The following FNTA variants were observed in gnomAD, a reference collection of about 807,000 sequenced individuals.
FNTA encodes farnesyltransferase, CAAX box, subunit alpha.
Under a neutral mutation model 55.2 loss-of-function variants are expected in FNTA, and 27 were observed. The observed-to-expected ratio is 0.49, with a 90% CI of 0.36 to 0.67. FNTA has a LOEUF of 0.67. Ranked by LOEUF, FNTA falls within the 30% of genes least tolerant of loss-of-function variation. The pLI, the probability that FNTA is intolerant of heterozygous loss-of-function variation, is 0.00. For missense variants in FNTA, 422 were observed against 464.7 expected, an observed-to-expected ratio of 0.91 and a Z score of 0.85; for synonymous variants, 176 against 170.7, an observed-to-expected ratio of 1.03 and a Z score of -0.24.
intron 7 of FNTA, chr8:43,084,489 T>A (rs1025797689): frequency 2.6e-6 from 1 of 390,174 alleles, no homozygotes; most frequent in Non-Finnish European, 4.5e-6. Flanking sequence ...CCCAGAGTGT[T>A]TCCCAGGCAT....
chr8:43,075,906 T>G (rs1340730592), intron 5 of FNTA, among the ~76,000 whole-genome samples: 4 of 151,890 alleles, frequency 2.6e-5, no homozygotes, highest in African/African-American at 4.8e-5. Context: ...CAGGGTCTGT[T>G]TCTGTCGCCC....
chr8:43,079,169 A>G (rs752173044), intron 6 of FNTA: 15 of 177,990 alleles, frequency 8.4e-5, no homozygotes, highest in Non-Finnish European at 1.5e-4. Context: ...AGTTTTCCAG[A>G]TCCCGCTCAG....
At chr8:43,056,679 C>T (rs879286628) in intron 1 of FNTA, 133 bp downstream of exon 1, 37 of 473,038 alleles carry the variant, frequency 7.8e-5, no homozygotes, top group Non-Finnish European at 1.0e-4. Context: ...CGGTGCATGG[C>T]GCTGGGCCCG....
At chr8:43,075,524 A>C (rs1040313386) in intron 5 of FNTA, among the ~76,000 whole-genome samples, 1 of 152,038 alleles carries the variant, frequency 6.6e-6, no homozygotes, top group African/African-American at 2.4e-5. Flanking sequence ...TAATATAAAA[A>C]ATTTATATTG....
intron 3 of FNTA, among the ~76,000 whole-genome samples, chr8:43,066,985 T>G (rs1810675436): frequency 6.6e-6 from 1 of 152,184 alleles, no homozygotes; most frequent in Non-Finnish European, 1.5e-5. Flanking sequence ...GATACCAACT[T>G]TTTGCTTTTT....
intron 1 of FNTA, 146 bp from the exon 2 acceptor site, chr8:43,058,946 C>A: frequency 1.9e-6 from 1 of 535,660 alleles, no homozygotes; most frequent in East Asian, 3.2e-5. Context: ...AAAACTTGGT[C>A]ATGAAGAATC....
rs560575031 is a variant in FNTA at position 43,082,430 on chromosome 8, G to T, written c.783-688G>T. 2.0e-5 allele frequency: 3 copies of T among 152,302 alleles called. No homozygotes were observed. The South Asian group carries it at 6.2e-4, about 32-fold the overall frequency. 9.4% of individuals were successfully genotyped at this position (152,302 alleles called of 1,614,324 possible). On this transcript the variant is annotated intron_variant, in intron 6 of 8. Transcript: ENST00000302279. ...AAATTCTCCTATTTCAGTGACTAGG[G>T]ATTTGTTGGGACGTAAGTAGAGCTT...
chr8:43,057,425 T>C (rs1226803664), intron 1 of FNTA: 1 of 152,192 alleles, frequency 6.6e-6, no homozygotes, highest in Non-Finnish European at 1.5e-5. Flanking sequence ...AGCCCCATAA[T>C]CCTCAAGTCT....
intron 3 of FNTA, among the ~76,000 whole-genome samples, chr8:43,069,205 TC>T (rs1478151825): frequency 6.6e-6 from 1 of 151,854 alleles, no homozygotes; most frequent in East Asian, 1.9e-4. Context: ...AACCTCTGCC[TC>T]CTGGGTTCAA....
At chr8:43,076,403 C>T (rs1810913507) in intron 5 of FNTA, among the ~76,000 whole-genome samples, 1 of 152,132 alleles carries the variant, frequency 6.6e-6, no homozygotes, top group Non-Finnish European at 1.5e-5. Context: ...TCTCGAACTC[C>T]TGGCCTCAAG....
chr8:43,056,619 G>A (rs1044744294), intron 1 of FNTA, 73 bp downstream of exon 1: 5 of 1,034,110 alleles, frequency 4.8e-6, no homozygotes, highest in Non-Finnish European at 6.2e-6. Context: ...CGCGGCGCGC[G>A]CTTCCGGCCC....
At chr8:43,064,441 T>C (rs985637439) in intron 3 of FNTA, among the ~76,000 whole-genome samples, 3 of 151,890 alleles carry the variant, frequency 2.0e-5, no homozygotes, top group Non-Finnish European at 2.9e-5. Context: ...GCCTTCTGAG[T>C]AGCTGGGATT....
At chr8:43,056,644 G>A in intron 1 of FNTA, 98 bp downstream of exon 1, 1 of 812,938 alleles carries the variant, frequency 1.2e-6, no homozygotes, top group Non-Finnish European at 1.6e-6. Context: ...GCGCCAGGCC[G>A]AAGTTCCCGT....
At chr8:43,073,758 C>T (rs1355952914) in intron 5 of FNTA, 1 of 152,122 alleles carries the variant, frequency 6.6e-6, no homozygotes, top group Non-Finnish European at 1.5e-5. Flanking sequence ...GGGCATGTTG[C>T]TATTGGCATC....
chr8:43,056,414 C>A lies in FNTA; in HGVS notation c.68C>A (p.Pro23Gln). 3.3e-6 allele frequency: 5 copies of A among 1,521,000 alleles called. No homozygotes were observed. The highest frequency in any genetic ancestry group is 4.4e-6 in the Non-Finnish European group (5 of 1,137,280). The allele number at this position is 1,521,000 out of a possible 1,614,324, so 94.2% of individuals were successfully genotyped here. A position where few individuals can be genotyped will look rare whatever the true frequency, so the allele number is the denominator to read the frequency against. The change falls in exon 1 of 9, where the codon CCG (proline) becomes CAG (glutamine). Residue 23 changes from proline (P) to glutamine (Q), a missense_variant. By Grantham distance (76) the Pro-to-Gln change is moderately conservative. Coordinates refer to ENST00000302279, the MANE Select transcript of FNTA (RefSeq NM_002027.3). Reference sequence around the variant, plus strand: ...GAGCCCGGGCAGCCGGCGCAACCCCCGCCCCAGCCGCACCCACCGCCGCCC... The same window carrying A: ...GAGCCCGGGCAGCCGGCGCAACCCCAGCCCCAGCCGCACCCACCGCCGCCC... ...GGEPGQPAQP[P>Q]PQPHPPPPQQ...
chr8:43,080,967 A>G (rs1209401125), intron 6 of FNTA: 1 of 152,228 alleles, frequency 6.6e-6, no homozygotes, highest in Non-Finnish European at 1.5e-5. Context: ...AGCTTCCTAT[A>G]CTTAGGATTT....
At chr8:43,057,624 A>C (rs1810440739) in intron 1 of FNTA, among the ~76,000 whole-genome samples, 1 of 152,192 alleles carries the variant, frequency 6.6e-6, no homozygotes, top group Admixed American at 6.5e-5. Context: ...GATGCCACAG[A>C]ATCTCTGCTG....
chr8:43,081,954 A>C (rs1403752345), intron 6 of FNTA: 2 of 152,256 alleles, frequency 1.3e-5, no homozygotes, highest in Non-Finnish European at 2.9e-5. Context: ...GAAATTAAGA[A>C]TCTTAAACAA....
intron 5 of FNTA, among the ~76,000 whole-genome samples, chr8:43,075,873 CTTTTTCTTTTTTT>C (rs1335642992): frequency 6.7e-6 from 1 of 149,314 alleles, no homozygotes; most frequent in Non-Finnish European, 1.5e-5. Flanking sequence ...TTTTCTTTTT[CTTTTTCTTTTTTT>C]TTTTTGGGAC....
Sources: gnomAD v4.1 joint callset for allele counts (sites outside exome capture counted in the v4.1 genomes callset) on GRCh38, gnomAD v4.1.1 for gene constraint, MANE v1.5 for transcripts, NCBI Gene and HGNC (gene_info 2026-07-23, HGNC 2026-07-21) for gene names.